Variants in STK32B observed in about 807,000 individuals in gnomAD.
STK32B encodes the protein serine/threonine kinase 32B.
In STK32B, 43 loss-of-function variants were observed where a neutral mutation model predicts 52.6. That is an observed-to-expected ratio of 0.82 (90% CI 0.64 to 1.05). The LOEUF (loss-of-function observed/expected upper bound fraction) is 1.05. Ranked by LOEUF, STK32B falls within the 50% of genes least tolerant of loss-of-function variation. The probability of loss-of-function intolerance (pLI) is 0.00; values close to 1 mark genes in which losing one functional copy is unlikely to be tolerated. For missense variants in STK32B, 621 were observed against 534.6 expected, an observed-to-expected ratio of 1.16 and a Z score of -1.59; for synonymous variants, 238 against 204.3, an observed-to-expected ratio of 1.17 and a Z score of -1.41.
the STK32B span, among the ~76,000 whole-genome samples, chr4:5,023,230 C>A: frequency 6.6e-6 from 1 of 152,096 alleles, no homozygotes; most frequent in East Asian, 1.9e-4. Context: ...ATCATAAATT[C>A]GTGATGCTTG....
intron 11 of STK32B, among the ~76,000 whole-genome samples, chr4:5,488,283 G>A (rs1719402382): frequency 6.6e-6 from 1 of 152,158 alleles, no homozygotes; most frequent in African/African-American, 2.4e-5. Flanking sequence ...GGGTGACAGA[G>A]TGAGACTCCG....
chr4:5,340,791 ACATGGGG>A (rs1733023263), intron 4 of STK32B, among the ~76,000 whole-genome samples: 1 of 152,242 alleles, frequency 6.6e-6, no homozygotes, highest in African/African-American at 2.4e-5. Context: ...GTATATATGC[ACATGGGG>A]TATATGCATG....
chr4:5,174,416 G>A (rs1337146795), intron 3 of STK32B, among the ~76,000 whole-genome samples: 1 of 152,088 alleles, frequency 6.6e-6, no homozygotes, highest in African/African-American at 2.4e-5. Flanking sequence ...TTACAATTTG[G>A]CATGTTTTTG....
At chr4:5,185,916 A>T (rs1302557170) in intron 3 of STK32B, among the ~76,000 whole-genome samples, 1 of 152,100 alleles carries the variant, frequency 6.6e-6, no homozygotes, top group African/African-American at 2.4e-5. Flanking sequence ...GTTCTCGTCC[A>T]TACTAACTGG....
intron 3 of STK32B, among the ~76,000 whole-genome samples, chr4:5,321,753 G>A (rs962372320): frequency 3.3e-5 from 5 of 152,090 alleles, no homozygotes; most frequent in African/African-American, 9.7e-5. Context: ...CCAGTGGGAC[G>A]GGGGCACCGT....
chr4:5,132,772 T>A (rs569256787), intron 1 of STK32B, among the ~76,000 whole-genome samples: 1 of 152,272 alleles, frequency 6.6e-6, no homozygotes, highest in South Asian at 2.1e-4. Flanking sequence ...ACACCTGGAT[T>A]TACTTTCATT....
At chr4:5,478,598 C>T (rs1283375208) in intron 11 of STK32B, among the ~76,000 whole-genome samples, 2 of 152,184 alleles carry the variant, frequency 1.3e-5, no homozygotes, top group Non-Finnish European at 2.9e-5. Context: ...AAAGAGAAAT[C>T]TCCGGGAGAC....
At chr4:5,022,350 A>G in the STK32B span, among the ~76,000 whole-genome samples, 1 of 152,192 alleles carries the variant, frequency 6.6e-6, no homozygotes, top group Non-Finnish European at 1.5e-5. Flanking sequence ...CAAGCCCACT[A>G]AGAAACCTAC....
intron 11 of STK32B, among the ~76,000 whole-genome samples, chr4:5,492,011 G>T (rs953326389): frequency 1.3e-5 from 2 of 152,016 alleles, no homozygotes; most frequent in Non-Finnish European, 1.5e-5. Context: ...GTCAGGTAGC[G>T]TGATGCCTCC....
At chr4:5,338,599 TA>T (rs933870163) in intron 4 of STK32B, among the ~76,000 whole-genome samples, 1 of 152,210 alleles carries the variant, frequency 6.6e-6, no homozygotes, top group Admixed American at 6.5e-5. Context: ...ATTGGTGAGA[TA>T]AATGCCGATG....
At chr4:5,420,478 G>A (rs1712532749) in intron 6 of STK32B, among the ~76,000 whole-genome samples, 1 of 152,094 alleles carries the variant, frequency 6.6e-6, no homozygotes, top group African/African-American at 2.4e-5. Context: ...GCAACTTCTC[G>A]GGTCTCTGGA....
intron 4 of STK32B, among the ~76,000 whole-genome samples, chr4:5,373,817 C>T (rs1735404160): frequency 6.6e-6 from 1 of 152,180 alleles, no homozygotes; most frequent in African/African-American, 2.4e-5. Context: ...ATGTGGGTCC[C>T]CCATGATCAT....
chr4:5,344,100 T>A (rs1733289103), intron 4 of STK32B, among the ~76,000 whole-genome samples: 1 of 152,192 alleles, frequency 6.6e-6, no homozygotes, highest in African/African-American at 2.4e-5. Context: ...CGAAGAGAAC[T>A]CATGCCTCCT....
Position 5,281,546 on chromosome 4 carries a change from A to G in STK32B, c.261-49674A>G, listed in dbSNP as rs1307069861. On this transcript the variant is annotated intron_variant, in intron 3 of 11. Coordinates refer to ENST00000282908, the MANE Select transcript of STK32B (RefSeq NM_018401.3). ...TGGATGCAGCAAACCACCACGGCACATGTATATCTATGTAACAAACCTGCG... is the reference window on the plus strand; with the variant it reads ...TGGATGCAGCAAACCACCACGGCACGTGTATATCTATGTAACAAACCTGCG... 2.6e-5 allele frequency among the ~76,000 whole-genome samples: 4 copies of G among 152,202 alleles called. No individual in the cohort carries two copies. In the South Asian group the frequency reaches 8.3e-4, roughly 31 times the overall value.
chr4:5,244,253 G>T (rs925155531), intron 3 of STK32B, among the ~76,000 whole-genome samples: 2 of 152,146 alleles, frequency 1.3e-5, no homozygotes, highest in South Asian at 2.1e-4. Context: ...CAATTTCAGA[G>T]CCTGTTTATT....
chr4:5,381,328 G>T (rs1268528691), intron 4 of STK32B, among the ~76,000 whole-genome samples: 1 of 152,208 alleles, frequency 6.6e-6, no homozygotes, highest in African/African-American at 2.4e-5. Context: ...CTCCAGGTCA[G>T]ATTGTTAATA....
chr4:5,124,919 A>T (rs1294021042), intron 1 of STK32B, among the ~76,000 whole-genome samples: 1 of 152,184 alleles, frequency 6.6e-6, no homozygotes, highest in Non-Finnish European at 1.5e-5. Flanking sequence ...TGTGAAGAGG[A>T]TATTATGCAA....
intron 2 of STK32B, 186 bp downstream of exon 2, chr4:5,140,146 A>G (rs1716321224): frequency 7.0e-7 from 1 of 1,425,904 alleles, no homozygotes; most frequent in Non-Finnish European, 9.6e-7. Context: ...CTGGAAATTA[A>G]ATTACCACAA....
chr4:5,154,362 T>C (rs1450080749), intron 2 of STK32B, among the ~76,000 whole-genome samples: 3 of 152,170 alleles, frequency 2.0e-5, no homozygotes, highest in Admixed American at 2.0e-4. Flanking sequence ...ATTAGAGGCA[T>C]GTGCCACCAG....
Sources: allele counts gnomAD v4.1 joint callset (sites outside exome capture counted in the v4.1 genomes callset), GRCh38; gene constraint gnomAD v4.1.1; transcripts MANE v1.5; gene names NCBI Gene and HGNC (gene_info 2026-07-23, HGNC 2026-07-21).